Variants in CLIC5 observed in about 807,000 individuals in gnomAD.
CLIC5 encodes chloride intracellular channel protein 5.
A neutral mutation model predicts 24.7 loss-of-function variants in CLIC5; 20 were observed. The observed-to-expected ratio is 0.81, with a 90% CI of 0.57 to 1.18. The LOEUF (loss-of-function observed/expected upper bound fraction) is 1.18. CLIC5 is among the 50% of genes most tolerant of loss of function. The pLI, the probability that CLIC5 is intolerant of heterozygous loss-of-function variation, is 0.00. For synonymous variants in CLIC5, 159 were observed against 135.6 expected (o/e 1.17, Z -1.20); for missense variants, 341 against 326.1 (o/e 1.05, Z -0.35).
chr6:45,990,955 C>G (rs1765915444), intron 1 of CLIC5, among the ~76,000 whole-genome samples: 1 of 152,136 alleles, frequency 6.6e-6, no homozygotes, highest in Non-Finnish European at 1.5e-5. Flanking sequence ...CATATCAAGT[C>G]TCTCCTCAAG....
intron 5 of CLIC5, among the ~76,000 whole-genome samples, chr6:45,912,947 G>A (rs749421462): frequency 1.1e-4 from 16 of 152,218 alleles, no homozygotes; most frequent in Admixed American, 2.6e-4. Context: ...AAACACCAGT[G>A]TACACACAAC....
At chr6:45,883,199 C>A (rs146812346) in intron 6 of CLIC5, among the ~76,000 whole-genome samples, 275 of 152,262 alleles carry the variant, frequency 1.8e-3, no homozygotes, top group African/African-American at 6.3e-3. Flanking sequence ...TGGGGTGGAG[C>A]ATTGAGAAAC....
At position 45,903,034 on chromosome 6, in the gene CLIC5, C is replaced by G; in HGVS notation, c.*54G>C. 6.3e-7 allele frequency: 1 copy of G among 1,599,096 alleles called. No homozygotes were observed. The highest frequency in any genetic ancestry group is 8.6e-7 in the Non-Finnish European group (1 of 1,168,426). On this transcript the variant is annotated 3_prime_UTR_variant, in exon 6 of 6. Transcript: ENST00000339561. ...ACAGAGGAGTCTATGAAGCTGGAGTCTTAGGGGAGTGGTTGAGTCCTTCTG... is the reference window on the plus strand; with the variant it reads ...ACAGAGGAGTCTATGAAGCTGGAGTGTTAGGGGAGTGGTTGAGTCCTTCTG...
chr6:46,115,714 A>C, the CLIC5 span, among the ~76,000 whole-genome samples: 1 of 152,228 alleles, frequency 6.6e-6, no homozygotes, highest in Non-Finnish European at 1.5e-5. Flanking sequence ...TTTTTAATGA[A>C]TGTCAAAAGA....
At chr6:46,016,300 C>T (rs1767007703), upstream of CLIC5, among the ~76,000 whole-genome samples, 1 of 152,154 alleles carries the variant, frequency 6.6e-6, no homozygotes, top group Admixed American at 6.5e-5. Context: ...CGAGTTACTC[C>T]ACTACCAGCC....
At chr6:45,894,127 T>C (rs1762374567), downstream of CLIC5, among the ~76,000 whole-genome samples, 1 of 152,102 alleles carries the variant, frequency 6.6e-6, no homozygotes, top group South Asian at 2.1e-4. Context: ...CAACACATGG[T>C]TAAATAAAGA....
upstream of CLIC5, among the ~76,000 whole-genome samples, chr6:46,084,150 A>G (rs1168130714): frequency 3.3e-5 from 5 of 151,762 alleles, no homozygotes; most frequent in Non-Finnish European, 7.4e-5. Context: ...CCATCCTTTT[A>G]TTTTGAGCCT....
chr6:46,015,419 C>CT, intron 1 of CLIC5, 61 bp downstream of exon 1: 1 of 1,451,430 alleles, frequency 6.9e-7, no homozygotes, highest in Non-Finnish European at 9.2e-7. Flanking sequence ...ACCCCGAGCC[C>CT]TGGTGGGTGA....
intron 3 of CLIC5, among the ~76,000 whole-genome samples, chr6:45,944,569 A>G (rs1256948343): frequency 1.3e-5 from 2 of 151,634 alleles, no homozygotes; most frequent in African/African-American, 4.9e-5. Flanking sequence ...AAAAAAAAAA[A>G]AAAAATTTTT....
chr6:45,888,521 A>T (rs1404658740), intron 6 of CLIC5, among the ~76,000 whole-genome samples: 1 of 152,226 alleles, frequency 6.6e-6, no homozygotes, highest in Non-Finnish European at 1.5e-5. Context: ...AGAGAAGCAC[A>T]TGGCCAGTTA....
chr6:45,923,563 A>C (rs1763357568), intron 4 of CLIC5, among the ~76,000 whole-genome samples: 1 of 152,216 alleles, frequency 6.6e-6, no homozygotes, highest in African/African-American at 2.4e-5. Flanking sequence ...CCATTCTTTT[A>C]TTTGTTAAAC....
At chr6:45,887,157 A>G (rs541345971) in intron 6 of CLIC5, among the ~76,000 whole-genome samples, 1 of 152,380 alleles carries the variant, frequency 6.6e-6, no homozygotes, top group Admixed American at 6.5e-5. Flanking sequence ...GAACAAATGC[A>G]TGGTATATCA....
At chr6:45,915,160 C>T (rs1289785526) in intron 4 of CLIC5, among the ~76,000 whole-genome samples, 2 of 151,854 alleles carry the variant, frequency 1.3e-5, no homozygotes, top group Non-Finnish European at 2.9e-5. Flanking sequence ...GATCTCCTGA[C>T]CTCATGATCG....
At chr6:46,031,073 T>C (rs1168429770) in intron 1 of CLIC5, among the ~76,000 whole-genome samples, 2 of 152,204 alleles carry the variant, frequency 1.3e-5, no homozygotes, top group Non-Finnish European at 2.9e-5. Context: ...TCTATATCAG[T>C]CTCTGTCTAC....
chr6:45,912,784 G>T, intron 5 of CLIC5: 1 of 1,297,996 alleles, frequency 7.7e-7, no homozygotes, highest in Non-Finnish European at 1.1e-6. Flanking sequence ...GCATGCAGTA[G>T]TTAATAACTT....
upstream of CLIC5, chr6:46,080,434 T>C (rs369367795): frequency 4.6e-5 from 27 of 583,162 alleles, 1 homozygote; most frequent in African/African-American, 2.2e-4. Flanking sequence ...CACAAGTCCA[T>C]TGGACAGAAG....
intron 1 of CLIC5, among the ~76,000 whole-genome samples, chr6:45,967,996 A>G (rs1451192624): frequency 1.3e-5 from 2 of 152,150 alleles, no homozygotes; most frequent in Admixed American, 6.5e-5. Flanking sequence ...CATTCAAACC[A>G]TATCAGTGGG....
chr6:45,987,224 C>T (rs1765774062), intron 1 of CLIC5, among the ~76,000 whole-genome samples: 1 of 152,178 alleles, frequency 6.6e-6, no homozygotes, highest in Non-Finnish European at 1.5e-5. Context: ...CAAAACCTTT[C>T]CTGATAATTG....
intron 1 of CLIC5, among the ~76,000 whole-genome samples, chr6:46,004,645 T>A (rs1052629532): frequency 1.3e-5 from 2 of 152,148 alleles, no homozygotes; most frequent in Admixed American, 1.3e-4. Context: ...ATCTGAACAG[T>A]GAAGACTGTA....
Sources: allele counts gnomAD v4.1 joint callset (sites outside exome capture counted in the v4.1 genomes callset), GRCh38; gene constraint gnomAD v4.1.1; transcripts MANE v1.5; gene names NCBI Gene and HGNC (gene_info 2026-07-23, HGNC 2026-07-21).